The following TAX1BP1 variants were observed in gnomAD, a reference collection of about 807,000 sequenced individuals.
The protein encoded by TAX1BP1 is tax1-binding protein 1.
TAX1BP1 carries 62 observed loss-of-function variants against 97.7 expected under a neutral mutation model. The observed-to-expected ratio is 0.63, with a 90% CI of 0.52 to 0.78. The LOEUF (loss-of-function observed/expected upper bound fraction) is 0.78, where lower values mean the gene tolerates loss of function less well. Among genes scored for constraint, TAX1BP1 ranks in the 30% least tolerant of loss-of-function variants. The pLI, the probability that TAX1BP1 is intolerant of heterozygous loss-of-function variation, is 0.00. For missense variants in TAX1BP1, 867 were observed against 916.1 expected, an observed-to-expected ratio of 0.95 and a Z score of 0.69; for synonymous variants, 340 against 304.2, an observed-to-expected ratio of 1.12 and a Z score of -1.23.
intron 12 of TAX1BP1, among the ~76,000 whole-genome samples, chr7:27,796,589 C>T (rs1789942595): frequency 6.6e-6 from 1 of 152,168 alleles, no homozygotes; most frequent in Admixed American, 6.5e-5. Context: ...CGGCCAGGTG[C>T]GGTGGCTCAC....
intron 2 of TAX1BP1, among the ~76,000 whole-genome samples, chr7:27,750,127 T>G (rs1787969179): frequency 6.6e-6 from 1 of 152,126 alleles, no homozygotes; most frequent in African/African-American, 2.4e-5. Context: ...GATACTGGTA[T>G]CAAGTTAAAG....
intron 15 of TAX1BP1, among the ~76,000 whole-genome samples, chr7:27,821,379 C>T (rs559560223): frequency 2.1e-4 from 32 of 152,080 alleles, no homozygotes; most frequent in African/African-American, 7.7e-4. Context: ...GCTTGTAATC[C>T]CAGCACTTTG....
intron 14 of TAX1BP1, 75 bp from the exon 15 acceptor site, chr7:27,816,815 T>C: frequency 6.6e-7 from 1 of 1,523,224 alleles, no homozygotes; most frequent in South Asian, 1.2e-5. Context: ...TTATATCCTG[T>C]TCATCATATC....
intron 5 of TAX1BP1, among the ~76,000 whole-genome samples, chr7:27,781,736 C>T (rs1238985932): frequency 1.3e-5 from 2 of 150,864 alleles, no homozygotes; most frequent in Non-Finnish European, 2.9e-5. Context: ...TTTTTTGAGA[C>T]GGAGTCTTAC....
chr7:27,791,605 T>G (rs184596020), intron 8 of TAX1BP1, among the ~76,000 whole-genome samples: 1 of 152,292 alleles, frequency 6.6e-6, no homozygotes, highest in Non-Finnish European at 1.5e-5. Context: ...TTAACCAAAA[T>G]TTTTGGTGTT....
intron 15 of TAX1BP1, among the ~76,000 whole-genome samples, chr7:27,823,605 T>C (rs1264160423): frequency 6.6e-6 from 1 of 152,196 alleles, no homozygotes; most frequent in African/African-American, 2.4e-5. Flanking sequence ...CATAACTTGA[T>C]CATGATAGAT....
chr7:27,761,225 A>G (rs1788413967), intron 3 of TAX1BP1, among the ~76,000 whole-genome samples: 1 of 152,176 alleles, frequency 6.6e-6, no homozygotes, highest in Non-Finnish European at 1.5e-5. Context: ...AATTGAATGA[A>G]AAGTAGAGTT....
intron 13 of TAX1BP1, among the ~76,000 whole-genome samples, chr7:27,811,026 T>C (rs1475066495): frequency 6.6e-6 from 1 of 152,118 alleles, no homozygotes; most frequent in Non-Finnish European, 1.5e-5. Context: ...CACAATTAAT[T>C]GCTAATTATT....
chr7:27,809,575 A>G lies in TAX1BP1; in HGVS notation c.1765-6774A>G, dbSNP rs537631876. Among the ~76,000 whole-genome samples the G allele has an allele frequency of 1.6e-4, 25 of 152,292 alleles. No homozygotes were observed. The South Asian group carries it at 5.0e-3, about 30-fold the overall frequency. ...GTTCAGTCTTCTGATTTGCAAAAGA[A>G]CCTAACCTTAACTATCTTGTCCATG... On this transcript the variant is annotated intron_variant, in intron 13 of 16. Coordinates refer to ENST00000396319, the MANE Select transcript of TAX1BP1 (RefSeq NM_006024.7).
chr7:27,772,556 TAAA>T (rs964375173), intron 5 of TAX1BP1: 7 of 150,256 alleles, frequency 4.7e-5, no homozygotes, highest in African/African-American at 1.7e-4. Context: ...TGACAAAAAA[TAAA>T]AGTGAATTAA....
chr7:27,813,404 G>C (rs1411044361), intron 13 of TAX1BP1, among the ~76,000 whole-genome samples: 1 of 150,882 alleles, frequency 6.6e-6, no homozygotes, highest in African/African-American at 2.4e-5. Context: ...ACCCAGGCTG[G>C]AGTGCAGTGG....
Position 27,751,052 on chromosome 7 carries a change from A to T in TAX1BP1, c.162+2366A>T, listed in dbSNP as rs530633476. On this transcript the variant is annotated intron_variant, in intron 2 of 16. Coordinates refer to ENST00000396319, the MANE Select transcript of TAX1BP1 (RefSeq NM_006024.7). The stretch of plus-strand genomic sequence containing the variant: ...TGCCAAGACCAAATAACCTAGAGCC[A>T]TACAGGGCTCCTGTATAAGATTTTA... 7.9e-5 allele frequency among the ~76,000 whole-genome samples: 12 copies of T among 152,354 alleles called. No individual in the cohort carries two copies. The South Asian group carries it at 2.5e-3, about 32-fold the overall frequency.
intron 13 of TAX1BP1, among the ~76,000 whole-genome samples, chr7:27,806,450 G>T (rs1403534279): frequency 6.6e-6 from 1 of 151,714 alleles, no homozygotes; most frequent in African/African-American, 2.4e-5. Context: ...CAGAAGGAAT[G>T]CATCTAAGTT....
rs1782597773 is a variant in TAX1BP1 at position 27,829,056 on chromosome 7, C to A, written c.*227C>A. On this transcript the variant is annotated 3_prime_UTR_variant, in exon 17 of 17. Coordinates refer to ENST00000396319, the MANE Select transcript of TAX1BP1 (RefSeq NM_006024.7). Reference sequence around the variant, plus strand: ...ATCTTACCTGCTTTAAAAAAAAGTTCTTGTGTGTTCGTATCTTTATTTATT... The same window carrying A: ...ATCTTACCTGCTTTAAAAAAAAGTTATTGTGTGTTCGTATCTTTATTTATT... 4.9e-6 allele frequency: 2 copies of A among 411,038 alleles called. No homozygotes were observed. Among genetic ancestry groups the A allele is most frequent in the Admixed American group, 4.1e-5 (1 of 24,602 alleles). The allele number at this position is 411,038 out of a possible 1,614,324, so 25.5% of individuals were successfully genotyped here.
intron 1 of TAX1BP1, among the ~76,000 whole-genome samples, chr7:27,743,598 C>G (rs1221989258): frequency 6.6e-6 from 1 of 152,032 alleles, no homozygotes; most frequent in Non-Finnish European, 1.5e-5. Context: ...TTTGGTTTTA[C>G]TATTACAGAA....
At chr7:27,786,802 A>C (rs972049920) in intron 7 of TAX1BP1, among the ~76,000 whole-genome samples, 12 of 152,250 alleles carry the variant, frequency 7.9e-5, no homozygotes, top group Non-Finnish European at 1.6e-4. Flanking sequence ...ACTCTTAACG[A>C]AAGCAGGATA....
chr7:27,746,132 GTTAAATT>G (rs144852705), intron 1 of TAX1BP1, among the ~76,000 whole-genome samples: 1,629 of 152,166 alleles, frequency 0.011, 17 homozygotes, highest in African/African-American at 0.033. Flanking sequence ...GAAATGATAT[GTTAAATT>G]TTAAGAAAAA....
At position 27,829,020 on chromosome 7, in the gene TAX1BP1, A is replaced by G. The variant is rs560235309; in HGVS notation, c.*191A>G. ...AGTCTTTGGCTTATCAATAAATTTT[A>G]ATCTCTGTTAATCTTACCTGCTTTA... On this transcript the variant is annotated 3_prime_UTR_variant, in exon 17 of 17. Coordinates refer to ENST00000396319, the MANE Select transcript of TAX1BP1 (RefSeq NM_006024.7). The G allele has an allele frequency of 1.6e-4, 74 of 466,198 alleles. No individual in the cohort carries two copies. Among genetic ancestry groups the G allele is most frequent in the Non-Finnish European group, 2.1e-4 (57 of 267,046 alleles). 28.9% of individuals were successfully genotyped at this position (466,198 alleles called of 1,614,324 possible).
At chr7:27,813,360 T>G (rs1395538628) in intron 13 of TAX1BP1, among the ~76,000 whole-genome samples, 1 of 150,220 alleles carries the variant, frequency 6.7e-6, no homozygotes, top group African/African-American at 2.5e-5. Context: ...CTTTTTTTTT[T>G]CTTTTTTTTT....
Sources: allele counts gnomAD v4.1 joint callset (sites outside exome capture counted in the v4.1 genomes callset), GRCh38; gene constraint gnomAD v4.1.1; transcripts MANE v1.5; gene names NCBI Gene and HGNC (gene_info 2026-07-23, HGNC 2026-07-21).